KIF3C: variants seen among roughly 807,000 people sequenced by gnomAD.
KIF3C encodes kinesin-like protein KIF3C.
Under a neutral mutation model 67.7 loss-of-function variants are expected in KIF3C, and 12 were observed. The ratio of observed to expected loss-of-function variants is 0.18; its 90% CI spans 0.11 to 0.29. The LOEUF (loss-of-function observed/expected upper bound fraction) is 0.29, where lower values mean the gene tolerates loss of function less well. KIF3C is among the 10% of genes least tolerant of loss of function. The probability of loss-of-function intolerance (pLI) is 1.00; values close to 1 mark genes in which losing one functional copy is unlikely to be tolerated. For synonymous variants in KIF3C, 393 were observed against 426.2 expected, an observed-to-expected ratio of 0.92 and a Z score of 0.96; for missense variants, 789 against 1,059.6, an observed-to-expected ratio of 0.74 and a Z score of 3.55.
chr2:25,947,374 G>A (rs1663471963), intron 5 of KIF3C, among the ~76,000 whole-genome samples: 1 of 152,214 alleles, frequency 6.6e-6, no homozygotes, highest in East Asian at 1.9e-4. Flanking sequence ...GAGGTCAGGA[G>A]ATCAAGACCA....
intron 5 of KIF3C, among the ~76,000 whole-genome samples, chr2:25,950,966 C>T (rs1020556603): frequency 6.6e-6 from 1 of 151,922 alleles, no homozygotes; most frequent in African/African-American, 2.4e-5. Flanking sequence ...GCATCTGATG[C>T]TTCAGTGAGA....
rs1490584976 is a variant in KIF3C at position 25,963,006 on chromosome 2, TATATAATATATATA to T, written c.1546-6576_1546-6563del. Among the ~76,000 whole-genome samples, 343 of 47,706 alleles carry T rather than the reference TATATAATATATATA, an allele frequency of 7.2e-3. 33 individuals carry two copies. The highest frequency in any genetic ancestry group is 0.039 in the East Asian group (17 of 438). The allele number at this position is 47,706 out of a possible 152,430, so 31.3% of individuals were successfully genotyped here. On this transcript the variant is annotated intron_variant, in intron 1 of 7. Coordinates refer to ENST00000264712, the MANE Select transcript of KIF3C (RefSeq NM_002254.8). ...AATATATAATATATATAATATATAA[TATATAATATATATA>T]ATATATAATATATAATATATAATAT...
chr2:25,980,341 T>C lies in KIF3C; in HGVS notation c.1545+32A>G. 1 of 1,561,966 alleles carries C rather than the reference T, an allele frequency of 6.4e-7. No homozygotes were observed. Among genetic ancestry groups the C allele is most frequent in the Admixed American group, 1.8e-5 (1 of 56,286 alleles). ...CTTGCCGGGATCCCCTGCGGGGACATCTCGAGTGCCCAGCTCCTCTGGGGC... is the reference window on the plus strand; with the variant it reads ...CTTGCCGGGATCCCCTGCGGGGACACCTCGAGTGCCCAGCTCCTCTGGGGC... On this transcript the variant is annotated intron_variant, in intron 1 of 7. Transcript: ENST00000264712. This position sits in a 1 kb window ranked among gnomAD's most constrained non-coding sequence, Gnocchi z 7.6.
rs370777128 is a variant in KIF3C, at chr2:25,951,793, C to A, written c.2002G>T (p.Gly668Cys). The change falls in exon 5 of 8, where the codon GGC (glycine) becomes TGC (cysteine). Residue 668 changes from glycine to cysteine, a missense_variant. Transcript: ENST00000264712. ...QWKFQPLVPA[G>C]VSSSQMKKRP... ...ACAGCTGGGTTAGAGACTCACACGC[C>A]GGCTGGCACCAGTGGCTGGAACTTC... 23 of 1,610,898 alleles carry A rather than the reference C, an allele frequency of 1.4e-5. No individual in the cohort carries two copies. Among genetic ancestry groups the A allele is most frequent in the Non-Finnish European group, 1.4e-5 (17 of 1,177,552 alleles).
At chr2:25,929,196 G>A (rs761415437) in intron 7 of KIF3C, 109 bp downstream of exon 7, 105 of 1,405,974 alleles carry the variant, frequency 7.5e-5, no homozygotes, top group Non-Finnish European at 1.0e-4. Context: ...GTCACCCCTT[G>A]CCCTTCCTGC....
intron 1 of KIF3C, among the ~76,000 whole-genome samples, chr2:25,979,057 T>C (rs903340213): frequency 2.0e-5 from 3 of 152,102 alleles, no homozygotes; most frequent in Admixed American, 2.0e-4. Context: ...CCAGTGGCTG[T>C]AGGCTGGGCC....
At chr2:25,932,714 T>C (rs1347114976) in intron 5 of KIF3C, among the ~76,000 whole-genome samples, 2 of 151,348 alleles carry the variant, frequency 1.3e-5, no homozygotes, top group Non-Finnish European at 2.9e-5. Context: ...ACACCTGTAG[T>C]CCCAGCTACT....
intron 6 of KIF3C, 149 bp from the exon 7 acceptor site, chr2:25,929,626 T>G: frequency 4.7e-6 from 3 of 641,650 alleles, no homozygotes. Flanking sequence ...CTTTTTTTTT[T>G]TTCTTCTGAG....
chr2:25,938,673 C>T (rs1663206071), intron 5 of KIF3C, among the ~76,000 whole-genome samples: 2 of 152,142 alleles, frequency 1.3e-5, no homozygotes. Flanking sequence ...TTCCCATCGG[C>T]TCCCTCTTCT....
chr2:25,955,100 C>T lies in KIF3C; in HGVS notation c.1770+441G>A, dbSNP rs1663772841. Among the ~76,000 whole-genome samples, 1 of 152,162 alleles carries T rather than the reference C, an allele frequency of 6.6e-6. No individual in the cohort carries two copies. The highest frequency in any genetic ancestry group is 1.9e-4 in the East Asian group (1 of 5,190). ...CCCTTGCCACGGGCTTTGCAGGGTT[C>T]TGGTGAGCGGCTATTCTCATCCCTT... is the stretch of plus-strand genomic sequence containing the variant. On this transcript the variant is annotated intron_variant, in intron 3 of 7. Coordinates refer to ENST00000264712, the MANE Select transcript of KIF3C (RefSeq NM_002254.8). The surrounding 1 kb of genome is among the most constrained non-coding windows in gnomAD (Gnocchi z 5.0).
Position 25,981,865 on chromosome 2 carries a change from C to T in KIF3C, c.53G>A (p.Arg18His). 6.3e-7 allele frequency: 1 copy of T among 1,594,642 alleles called. No individual in the cohort carries two copies. The highest frequency in any genetic ancestry group is 8.5e-7 in the Non-Finnish European group (1 of 1,170,574). ...SEALKVVARCRPLSRKEEAAG... is the reference protein window; with the variant it reads ...SEALKVVARCHPLSRKEEAAG... ...AGCCTCCTCCTTCCTGCTGAGGGGGCGGCACCGGGCCACCACCTTGAGGGC... is the reference window on the plus strand; with the variant it reads ...AGCCTCCTCCTTCCTGCTGAGGGGGTGGCACCGGGCCACCACCTTGAGGGC... The change falls in exon 1 of 8, where the codon CGC becomes CAC. Residue 18 changes from arginine (R) to histidine (H), a missense_variant. By Grantham distance (29) the Arg-to-His change is conservative. Around this residue, in one of 2 missense-constraint regions of KIF3C, gnomAD observed 141 missense variants for 251.8 expected, o/e 0.56. Coordinates refer to ENST00000264712, the MANE Select transcript of KIF3C (RefSeq NM_002254.8). This position sits in a 1 kb window ranked among gnomAD's most constrained non-coding sequence, Gnocchi z 8.2.
intron 4 of KIF3C, among the ~76,000 whole-genome samples, chr2:25,952,567 T>A (rs528995119): frequency 1.8e-3 from 266 of 145,970 alleles, no homozygotes; most frequent in Non-Finnish European, 2.4e-3. Flanking sequence ...ATATATATTT[T>A]TTTTTTTTTG....
chr2:25,962,861 T>G (rs1260317363), intron 1 of KIF3C, among the ~76,000 whole-genome samples: 1 of 73,796 alleles, frequency 1.4e-5, no homozygotes, highest in East Asian at 2.9e-4. Context: ...ATATAATATA[T>G]AATATATATA....
intron 4 of KIF3C, among the ~76,000 whole-genome samples, chr2:25,953,081 C>A (rs914137297): frequency 6.6e-6 from 1 of 151,694 alleles, no homozygotes; most frequent in African/African-American, 2.4e-5. Flanking sequence ...CCACCCTGGC[C>A]AACATGGCGA....
chr2:25,944,917 G>A (rs989043966), intron 5 of KIF3C, among the ~76,000 whole-genome samples: 3 of 151,920 alleles, frequency 2.0e-5, no homozygotes, highest in Non-Finnish European at 4.4e-5. Context: ...GATCACCTGA[G>A]GTCAGGAGTT....
chr2:25,935,644 G>C (rs1423409762), intron 5 of KIF3C, among the ~76,000 whole-genome samples: 1 of 152,114 alleles, frequency 6.6e-6, no homozygotes, highest in East Asian at 1.9e-4. Flanking sequence ...CTTTAAGTAT[G>C]AGCCACTGTG....
chr2:25,953,255 CA>C (rs1255517963), intron 4 of KIF3C, among the ~76,000 whole-genome samples: 1 of 149,228 alleles, frequency 6.7e-6, no homozygotes, highest in African/African-American at 2.5e-5. Context: ...GATGATAGAG[CA>C]ATATTCCATC....
chr2:25,958,491 G>C lies in KIF3C; in HGVS notation c.1546-2047C>G, dbSNP rs1478340204. Among the ~76,000 whole-genome samples the C allele has an allele frequency of 6.6e-6, 1 of 152,144 alleles. No individual in the cohort carries two copies. Among genetic ancestry groups the C allele is most frequent in the Non-Finnish European group, 1.5e-5 (1 of 68,026 alleles). On this transcript the variant is annotated intron_variant, in intron 1 of 7. Transcript: ENST00000264712. The surrounding 1 kb of genome is among the most constrained non-coding windows in gnomAD (Gnocchi z 4.5). ...AGATACTCAGGAGGCTGAGGCAGGA[G>C]AATCGGTTGAACTAGGGAGGCAGAG...
chr2:25,951,475 G>C (rs570619808), intron 5 of KIF3C: 37 of 310,428 alleles, frequency 1.2e-4, no homozygotes, highest in South Asian at 2.6e-4. Flanking sequence ...ATATTCACCA[G>C]ACCTGGCCAG....
Sources: gnomAD v4.1 joint callset for allele counts (sites outside exome capture counted in the v4.1 genomes callset) on GRCh38, gnomAD v4.1.1 for gene constraint, gnomAD v4.1.1 regional missense constraint, Gnocchi (gnomAD v3.1) non-coding constraint, MANE v1.5 for transcripts, NCBI Gene and HGNC (gene_info 2026-07-23, HGNC 2026-07-21) for gene names.